LTBP1: variants seen among roughly 807,000 people sequenced by gnomAD.
The protein encoded by LTBP1 is latent-transforming growth factor beta-binding protein 1.
Under a neutral mutation model 207.6 loss-of-function variants are expected in LTBP1, and 129 were observed. That is an observed-to-expected ratio of 0.62 (90% confidence interval 0.54 to 0.72). The LOEUF (loss-of-function observed/expected upper bound fraction) is 0.72, where lower values mean the gene tolerates loss of function less well. Ranked by LOEUF, LTBP1 falls within the 30% of genes least tolerant of loss-of-function variation. The pLI, the probability that LTBP1 is intolerant of heterozygous loss-of-function variation, is 0.00. For missense variants in LTBP1, 2,281 were observed against 2,217.2 expected (o/e 1.03, Z -0.58); for synonymous variants, 963 against 833.7 (o/e 1.16, Z -2.67).
chr2:33,114,047 G>A (rs1350927324), intron 4 of LTBP1, among the ~76,000 whole-genome samples: 2 of 152,166 alleles, frequency 1.3e-5, no homozygotes, highest in African/African-American at 4.8e-5. Flanking sequence ...TCACCATGTT[G>A]GCCAGGCTAG....
chr2:33,161,012 ACACT>A (rs2084416478), intron 5 of LTBP1, among the ~76,000 whole-genome samples: 2 of 152,162 alleles, frequency 1.3e-5, no homozygotes, highest in Non-Finnish European at 2.9e-5. Flanking sequence ...GACAATGTGT[ACACT>A]TTGGAGATAG....
At chr2:33,286,952 A>G (rs983106114) in intron 19 of LTBP1, among the ~76,000 whole-genome samples, 1 of 152,094 alleles carries the variant, frequency 6.6e-6, no homozygotes, top group African/African-American at 2.4e-5. Flanking sequence ...GAGGGGGAAG[A>G]GATAGCATTA....
At chr2:33,099,884 C>T (rs919397780) in intron 3 of LTBP1, among the ~76,000 whole-genome samples, 6 of 152,190 alleles carry the variant, frequency 3.9e-5, no homozygotes, top group Non-Finnish European at 7.3e-5. Context: ...CTTCCCACTA[C>T]CTTTTCCATT....
intron 13 of LTBP1, among the ~76,000 whole-genome samples, chr2:33,260,668 A>G (rs994925448): frequency 6.6e-6 from 1 of 152,244 alleles, no homozygotes; most frequent in Non-Finnish European, 1.5e-5. Flanking sequence ...CAAAAAATGT[A>G]TAACAGATAT....
At chr2:33,149,282 A>G (rs2150955113) in intron 5 of LTBP1, among the ~76,000 whole-genome samples, 1 of 151,086 alleles carries the variant, frequency 6.6e-6, no homozygotes, top group Admixed American at 6.6e-5. Flanking sequence ...GGCAGGTAAT[A>G]ATTTGGGCCC....
chr2:33,197,838 C>G (rs1158667333), intron 7 of LTBP1, among the ~76,000 whole-genome samples: 1 of 152,104 alleles, frequency 6.6e-6, no homozygotes, highest in African/African-American at 2.4e-5. Flanking sequence ...TTTGTTGAAC[C>G]CAGGAACCTG....
Position 33,159,995 on chromosome 2 carries a change from C to T in LTBP1, c.1201+25035C>T, listed in dbSNP as rs2084320024. 2.0e-5 allele frequency among the ~76,000 whole-genome samples: 3 copies of T among 152,118 alleles called. No individual in the cohort carries two copies. The South Asian group carries it at 6.2e-4, about 31-fold the overall frequency. ...CTCCCGGGCTCAAGCAATTTTTCTA[C>T]CTCAGCCGCTCGAGCTGGGATCATA... On this transcript the variant is annotated intron_variant, in intron 5 of 33. Coordinates refer to ENST00000404816, the MANE Select transcript of LTBP1 (RefSeq NM_206943.4).
intron 5 of LTBP1, among the ~76,000 whole-genome samples, chr2:33,151,015 C>T (rs1018965302): frequency 6.6e-6 from 1 of 152,156 alleles, no homozygotes; most frequent in East Asian, 1.9e-4. Context: ...GCTGGGATTA[C>T]AGGCGTGAAC....
intron 7 of LTBP1, among the ~76,000 whole-genome samples, chr2:33,191,641 T>C (rs1001759662): frequency 7.9e-5 from 12 of 152,214 alleles, no homozygotes; most frequent in Non-Finnish European, 1.5e-5. Flanking sequence ...TTGAAAACAT[T>C]TGTGCTTTCT....
chr2:33,319,986 T>C (rs1047280232), intron 24 of LTBP1, among the ~76,000 whole-genome samples: 1 of 152,206 alleles, frequency 6.6e-6, no homozygotes, highest in Non-Finnish European at 1.5e-5. Context: ...CATCCACTGT[T>C]CTAGGTACTG....
intron 20 of LTBP1, among the ~76,000 whole-genome samples, chr2:33,297,466 T>C (rs8179752): frequency 0.99 from 150,633 of 151,784 alleles, 74,750 homozygotes; most frequent in Middle Eastern, 1. Context: ...GAGTCTCGCT[T>C]TGTCGCCCAG....
chr2:33,254,851 G>GGTTTTTT (rs2092793561), intron 11 of LTBP1, among the ~76,000 whole-genome samples: 3 of 7,062 alleles, frequency 4.2e-4, no homozygotes, highest in Non-Finnish European at 7.2e-4. Flanking sequence ...TGCGGTGTTT[G>GGTTTTTT]GTTTTTTTTT....
chr2:33,205,076 C>T lies in LTBP1; in HGVS notation c.1702-12476C>T, dbSNP rs187315158. On this transcript the variant is annotated intron_variant, in intron 7 of 33. Coordinates refer to ENST00000404816, the MANE Select transcript of LTBP1 (RefSeq NM_206943.4). ...TTGCTCTTTTCTGCAATCTTAGACA[C>T]CACTGGTGCTGACATATGCACAGGC... Among the ~76,000 whole-genome samples the T allele has an allele frequency of 2.6e-5, 4 of 152,324 alleles. No individual in the cohort carries two copies. In the South Asian group the frequency reaches 6.2e-4, roughly 24 times the overall value.
At chr2:33,282,062 C>CATATATATATAT (rs66505403) in intron 19 of LTBP1, among the ~76,000 whole-genome samples, 16 of 142,852 alleles carry the variant, frequency 1.1e-4, no homozygotes, top group Admixed American at 2.1e-4. Context: ...CCTATATGTG[C>CATATATATATAT]ATATATATAT....
intron 4 of LTBP1, among the ~76,000 whole-genome samples, chr2:33,123,041 T>C (rs937758486): frequency 1.3e-5 from 2 of 152,084 alleles, no homozygotes; most frequent in African/African-American, 4.8e-5. Context: ...TGCTCAACTT[T>C]TCCTCACTCT....
chr2:33,032,262 C>T (rs1368578626), intron 3 of LTBP1, among the ~76,000 whole-genome samples: 2 of 152,204 alleles, frequency 1.3e-5, no homozygotes, highest in African/African-American at 4.8e-5. Flanking sequence ...ATAATCAAAA[C>T]CAGATTTGAT....
intron 5 of LTBP1, among the ~76,000 whole-genome samples, chr2:33,169,319 T>C (rs2085219488): frequency 6.6e-6 from 1 of 152,262 alleles, no homozygotes; most frequent in African/African-American, 2.4e-5. Flanking sequence ...TATTTTTCTT[T>C]TCCAGCACAT....
At chr2:33,110,817 G>A in intron 4 of LTBP1, 66 bp downstream of exon 4, 1 of 1,444,040 alleles carries the variant, frequency 6.9e-7, no homozygotes, top group Non-Finnish European at 9.4e-7. Flanking sequence ...ACTTTGTTCA[G>A]TGTAGACGGC....
chr2:33,228,703 T>C lies in LTBP1; in HGVS notation c.1876+6552T>C, dbSNP rs886443824. 1.6e-5 allele frequency among the ~76,000 whole-genome samples: 2 copies of C among 126,294 alleles called. 1 individual carries two copies. The highest frequency in any genetic ancestry group is 5.9e-5 in the African/African-American group (2 of 33,712). 82.9% of individuals were successfully genotyped at this position (126,294 alleles called of 152,430 possible). On this transcript the variant is annotated intron_variant, in intron 9 of 33. Coordinates refer to ENST00000404816, the MANE Select transcript of LTBP1 (RefSeq NM_206943.4). Reference sequence around the variant, plus strand: ...GCCCAACCAGGGTTATACCCTTTTTTTTTTTTTTTTTTTTTGAGATGGAGT... The same window carrying C: ...GCCCAACCAGGGTTATACCCTTTTTCTTTTTTTTTTTTTTTGAGATGGAGT...
Sources: allele counts gnomAD v4.1 joint callset (sites outside exome capture counted in the v4.1 genomes callset), GRCh38; gene constraint gnomAD v4.1.1; transcripts MANE v1.5; gene names NCBI Gene and HGNC (gene_info 2026-07-23, HGNC 2026-07-21).